Variants in CADM2 observed in about 807,000 individuals in gnomAD.
CADM2 encodes the protein immunoglobulin superfamily member 4D.
A neutral mutation model predicts 49.8 loss-of-function variants in CADM2; 12 were observed. The observed-to-expected ratio is 0.24, with a 90% CI of 0.15 to 0.39. The LOEUF (loss-of-function observed/expected upper bound fraction) is 0.39. CADM2 is among the 10% of genes least tolerant of loss of function. The pLI, the probability that CADM2 is intolerant of heterozygous loss-of-function variation, is 1.00. For missense variants in CADM2, 378 were observed against 492.3 expected (o/e 0.77, Z 2.20); for synonymous variants, 214 against 175.4 (o/e 1.22, Z -1.74).
chr3:85,420,878 T>C (rs1190507041), intron 1 of CADM2, among the ~76,000 whole-genome samples: 1 of 152,226 alleles, frequency 6.6e-6, no homozygotes, highest in Non-Finnish European at 1.5e-5. Context: ...TGTTTCATTT[T>C]TTTTTAAGAC....
chr3:85,463,942 T>A (rs1449676064), intron 1 of CADM2, among the ~76,000 whole-genome samples: 1 of 152,174 alleles, frequency 6.6e-6, no homozygotes, highest in Non-Finnish European at 1.5e-5. Flanking sequence ...TATTGGGGTA[T>A]GATATTCGAC....
rs1021671057 is a variant in CADM2 at position 85,010,713 on chromosome 3, C to A, written c.61+51045C>A. ...TATGGCAGGTATTATGTCATATGCG[C>A]CTTAGGTGATTTTTTTTTTCTCCTA... On this transcript the variant is annotated intron_variant, in intron 1 of 9. Transcript: ENST00000383699. 4.0e-5 allele frequency among the ~76,000 whole-genome samples: 6 copies of A among 151,596 alleles called. No homozygotes were observed. In the South Asian group the frequency reaches 6.2e-4, roughly 16 times the overall value.
intron 1 of CADM2, among the ~76,000 whole-genome samples, chr3:85,693,715 G>A (rs1220788628): frequency 1.2e-4 from 14 of 121,338 alleles, no homozygotes; most frequent in Admixed American, 8.4e-4. Flanking sequence ...GTAAAACCAC[G>A]TATCTACCAA....
At chr3:85,566,967 G>A (rs1243604323) in intron 1 of CADM2, among the ~76,000 whole-genome samples, 1 of 151,984 alleles carries the variant, frequency 6.6e-6, no homozygotes, top group Non-Finnish European at 1.5e-5. Context: ...CTTTAAATTG[G>A]ATTCTAGAAA....
At chr3:85,916,478 A>G (rs1577654879) in intron 6 of CADM2, among the ~76,000 whole-genome samples, 1 of 151,926 alleles carries the variant, frequency 6.6e-6, no homozygotes. Context: ...AGCTTCATCC[A>G]TGTCCCTACA....
chr3:85,898,955 A>ATATATATATATATATATATTT (rs1475991339), intron 5 of CADM2, among the ~76,000 whole-genome samples: 1 of 33,914 alleles, frequency 2.9e-5, no homozygotes, highest in African/African-American at 1.5e-4. Flanking sequence ...ATATATATAT[A>ATATATATATATATATATATTT]TTTTTTTTTT....
intron 1 of CADM2, among the ~76,000 whole-genome samples, chr3:85,459,578 A>G (rs2038146574): frequency 6.6e-6 from 1 of 152,234 alleles, no homozygotes; most frequent in Non-Finnish European, 1.5e-5. Flanking sequence ...TGTGACCCTA[A>G]CCAGATGCTG....
intron 1 of CADM2, among the ~76,000 whole-genome samples, chr3:85,043,990 C>A (rs1206166184): frequency 6.6e-6 from 1 of 152,102 alleles, no homozygotes; most frequent in Non-Finnish European, 1.5e-5. Flanking sequence ...CTCTAAATCT[C>A]CTTGTGTTCA....
At chr3:85,926,409 T>C (rs1323749248) in intron 6 of CADM2, among the ~76,000 whole-genome samples, 2 of 152,090 alleles carry the variant, frequency 1.3e-5, no homozygotes, top group South Asian at 2.1e-4. Context: ...GGGGATGAAA[T>C]TGTACTCAGA....
chr3:85,673,830 G>T (rs570202792), intron 1 of CADM2, among the ~76,000 whole-genome samples: 7 of 152,260 alleles, frequency 4.6e-5, no homozygotes, highest in African/African-American at 1.7e-4. Flanking sequence ...ATGAGAATTT[G>T]TGAGATACTG....
chr3:85,653,171 T>G (rs926579105), intron 1 of CADM2, among the ~76,000 whole-genome samples: 6 of 151,262 alleles, frequency 4.0e-5, no homozygotes, highest in Non-Finnish European at 5.9e-5. Context: ...TATTGTTGTT[T>G]GGGGAATCAC....
chr3:85,828,219 T>G (rs1038234654), intron 3 of CADM2, among the ~76,000 whole-genome samples: 1 of 151,994 alleles, frequency 6.6e-6, no homozygotes, highest in African/African-American at 2.4e-5. Flanking sequence ...TAGAAACTGT[T>G]TGAACTTTCA....
intron 1 of CADM2, among the ~76,000 whole-genome samples, chr3:85,510,679 C>A (rs1403668501): frequency 6.6e-6 from 1 of 151,976 alleles, no homozygotes; most frequent in Non-Finnish European, 1.5e-5. Context: ...ATTGGATACT[C>A]ACTTAACTCA....
chr3:85,178,928 T>C lies in CADM2; in HGVS notation c.61+219260T>C, dbSNP rs532532669. Among the ~76,000 whole-genome samples, 9 of 151,996 alleles carry C rather than the reference T, an allele frequency of 5.9e-5. No homozygotes were observed. In the East Asian group the frequency reaches 9.7e-4, roughly 16 times the overall value. On this transcript the variant is annotated intron_variant, in intron 1 of 9. Transcript: ENST00000383699. ...CTCCATTATACTTGGAATGCTACAA[T>C]TGAATGATAAAAATAAAACTTAAAA...
chr3:85,045,506 G>A (rs2035620992), intron 1 of CADM2, among the ~76,000 whole-genome samples: 1 of 151,930 alleles, frequency 6.6e-6, no homozygotes, highest in African/African-American at 2.4e-5. Context: ...TATTAGAAAT[G>A]GTATTTCTAT....
At chr3:85,695,845 T>C (rs2066536889) in intron 1 of CADM2, among the ~76,000 whole-genome samples, 1 of 152,120 alleles carries the variant, frequency 6.6e-6, no homozygotes, top group Non-Finnish European at 1.5e-5. Flanking sequence ...TTGTTTTCCA[T>C]AGAGGCTGTA....
chr3:85,300,330 T>A (rs1006243491), intron 1 of CADM2, among the ~76,000 whole-genome samples: 1 of 152,166 alleles, frequency 6.6e-6, no homozygotes, highest in Non-Finnish European at 1.5e-5. Flanking sequence ...TAAGAATTAT[T>A]TACTTCATTC....
At chr3:85,508,788 C>T (rs1190497432) in intron 1 of CADM2, among the ~76,000 whole-genome samples, 2 of 151,792 alleles carry the variant, frequency 1.3e-5, no homozygotes, top group African/African-American at 4.8e-5. Flanking sequence ...AGTGAATTTT[C>T]TGAGTGAAAA....
intron 1 of CADM2, among the ~76,000 whole-genome samples, chr3:85,535,375 G>A (rs1002872798): frequency 6.6e-6 from 1 of 152,054 alleles, no homozygotes; most frequent in Non-Finnish European, 1.5e-5. Flanking sequence ...GCCTCCATGG[G>A]CCCTAAGTAA....
Sources: allele counts gnomAD v4.1 joint callset (sites outside exome capture counted in the v4.1 genomes callset), GRCh38; gene constraint gnomAD v4.1.1; transcripts MANE v1.5; gene names NCBI Gene and HGNC (gene_info 2026-07-23, HGNC 2026-07-21).